Variants in RHOBTB1 observed in about 807,000 individuals in gnomAD.
RHOBTB1 encodes the protein Rho related BTB domain containing 1, also known as rho-related BTB domain-containing protein 1.
In RHOBTB1, 40 loss-of-function variants were observed where a neutral mutation model predicts 71.6. That is an observed-to-expected ratio of 0.56 (90% CI 0.43 to 0.73). The LOEUF (loss-of-function observed/expected upper bound fraction) is 0.73, where lower values mean the gene tolerates loss of function less well. Among genes scored for constraint, RHOBTB1 ranks in the 30% least tolerant of loss-of-function variants. RHOBTB1 has a pLI of 0.00. For synonymous variants in RHOBTB1, 319 were observed against 334.9 expected, an observed-to-expected ratio of 0.95 and a Z score of 0.52; for missense variants, 797 against 894.0, an observed-to-expected ratio of 0.89 and a Z score of 1.38.
At chr10:60,879,837 G>A (rs1353544631) in intron 7 of RHOBTB1, among the ~76,000 whole-genome samples, 1 of 152,024 alleles carries the variant, frequency 6.6e-6, no homozygotes, top group Non-Finnish European at 1.5e-5. Flanking sequence ...CACATGCATG[G>A]AGCCAGCCAT....
intron 2 of RHOBTB1, among the ~76,000 whole-genome samples, chr10:60,966,316 A>T (rs1197579789): frequency 6.6e-6 from 1 of 151,708 alleles, no homozygotes; most frequent in Admixed American, 6.6e-5. Context: ...AAAAAAAAAA[A>T]GCAAAAGTTA....
At chr10:60,905,311 G>T (rs2082611566) in intron 4 of RHOBTB1, among the ~76,000 whole-genome samples, 1 of 151,716 alleles carries the variant, frequency 6.6e-6, no homozygotes, top group African/African-American at 2.4e-5. Context: ...TTAGCTGGGT[G>T]TGGTGGTGGG....
intron 4 of RHOBTB1, among the ~76,000 whole-genome samples, chr10:60,894,696 G>A (rs140044567): frequency 3.0e-4 from 45 of 152,172 alleles, no homozygotes; most frequent in African/African-American, 9.9e-4. Context: ...ATGAATTTTG[G>A]TACAGTGAGA....
chr10:60,947,487 T>A (rs572590730), upstream of RHOBTB1, among the ~76,000 whole-genome samples: 26 of 152,226 alleles, frequency 1.7e-4, no homozygotes, highest in South Asian at 5.0e-3. Context: ...GCACCCCCAA[T>A]CCCCAACCAT....
intron 2 of RHOBTB1, among the ~76,000 whole-genome samples, chr10:60,985,569 G>A (rs2086635331): frequency 6.6e-6 from 1 of 152,130 alleles, no homozygotes; most frequent in Non-Finnish European, 1.5e-5. Context: ...GTATAAAGTG[G>A]ATAGAAGAGT....
At chr10:60,949,559 C>A (rs1375297702) in intron 2 of RHOBTB1, among the ~76,000 whole-genome samples, 2 of 150,686 alleles carry the variant, frequency 1.3e-5, no homozygotes, top group Admixed American at 1.3e-4. Context: ...GTGTAGGAAT[C>A]AACTAAAAAG....
At chr10:60,941,522 A>G (rs923922970) in intron 2 of RHOBTB1, among the ~76,000 whole-genome samples, 1 of 152,148 alleles carries the variant, frequency 6.6e-6, no homozygotes, top group Non-Finnish European at 1.5e-5. Flanking sequence ...GATCCCCAGT[A>G]TTCTCAACCA....
At chr10:60,868,283 C>T (rs1009036494), downstream of RHOBTB1, among the ~76,000 whole-genome samples, 2 of 152,168 alleles carry the variant, frequency 1.3e-5, no homozygotes, top group African/African-American at 4.8e-5. Context: ...TGTCTATCTT[C>T]TATCTCTCTA....
intron 2 of RHOBTB1, among the ~76,000 whole-genome samples, chr10:60,965,648 C>CTGAATGAA (rs564960539): frequency 1.3e-5 from 2 of 152,088 alleles, no homozygotes; most frequent in Non-Finnish European, 2.9e-5. Context: ...AAATTAATAA[C>CTGAATGAA]TGAATGAATG....
intron 2 of RHOBTB1, among the ~76,000 whole-genome samples, chr10:60,940,744 T>C (rs77608451): frequency 0.047 from 7,229 of 152,248 alleles, 293 homozygotes; most frequent in African/African-American, 0.11. Context: ...CGATTAATCA[T>C]CTATCCAGAC....
chr10:60,892,751 C>A, intron 5 of RHOBTB1, 59 bp downstream of exon 5: 1 of 1,479,356 alleles, frequency 6.8e-7, no homozygotes, highest in Non-Finnish European at 9.2e-7. Context: ...ACAGAGACAC[C>A]TGCTGCCTGT....
intron 2 of RHOBTB1, among the ~76,000 whole-genome samples, chr10:60,971,277 C>G (rs542655163): frequency 1.4e-4 from 21 of 152,160 alleles, no homozygotes; most frequent in African/African-American, 4.1e-4. Flanking sequence ...AGGCATCACG[C>G]TACCTGACTT....
chr10:60,920,488 G>A (rs1338597928), intron 2 of RHOBTB1, among the ~76,000 whole-genome samples: 3 of 152,244 alleles, frequency 2.0e-5, no homozygotes, highest in Admixed American at 1.3e-4. Flanking sequence ...TGGGGAAGCC[G>A]GAAGGTTAGA....
At chr10:60,864,348 T>C in the RHOBTB1 span, among the ~76,000 whole-genome samples, 6 of 152,212 alleles carry the variant, frequency 3.9e-5, no homozygotes, top group Non-Finnish European at 7.3e-5. Flanking sequence ...ATTATTATGA[T>C]GAGTCTCACA....
chr10:60,868,831 T>A (rs979608655), downstream of RHOBTB1, among the ~76,000 whole-genome samples: 2 of 152,214 alleles, frequency 1.3e-5, no homozygotes, highest in Non-Finnish European at 2.9e-5. Context: ...ACCATCCACC[T>A]CTAAAAGGTG....
At chr10:60,899,749 C>T (rs189397118) in intron 4 of RHOBTB1, among the ~76,000 whole-genome samples, 23 of 152,276 alleles carry the variant, frequency 1.5e-4, no homozygotes, top group Non-Finnish European at 2.9e-4. Context: ...AAACTGCTGT[C>T]CTTGTCACAC....
chr10:60,909,838 G>C (rs2082876518), intron 4 of RHOBTB1, among the ~76,000 whole-genome samples: 1 of 152,178 alleles, frequency 6.6e-6, no homozygotes, highest in African/African-American at 2.4e-5. Context: ...AGTGGTCTAA[G>C]TCACAGATTC....
At chr10:60,931,223 C>A (rs189631345) in intron 2 of RHOBTB1, among the ~76,000 whole-genome samples, 2 of 152,212 alleles carry the variant, frequency 1.3e-5, no homozygotes, top group East Asian at 3.9e-4. Flanking sequence ...TTAAAGTATA[C>A]AATTCAGTGG....
chr10:60,872,568 CCT>C (rs2080848735), intron 9 of RHOBTB1, among the ~76,000 whole-genome samples: 1 of 151,950 alleles, frequency 6.6e-6, no homozygotes, highest in Non-Finnish European at 1.5e-5. Context: ...CCCGCCCTCC[CCT>C]GCCACCTGGC....
Sources: allele counts gnomAD v4.1 joint callset (sites outside exome capture counted in the v4.1 genomes callset), GRCh38; gene constraint gnomAD v4.1.1; transcripts MANE v1.5; gene names NCBI Gene and HGNC (gene_info 2026-07-23, HGNC 2026-07-21).